The following NDST3 variants were observed in gnomAD, a reference collection of about 807,000 sequenced individuals.
The protein encoded by NDST3 is bifunctional heparan sulfate N-deacetylase/N-sulfotransferase 3.
In NDST3, 58 loss-of-function variants were observed where a neutral mutation model predicts 96.1. The observed-to-expected ratio is 0.60, with a 90% CI of 0.49 to 0.75. The LOEUF (loss-of-function observed/expected upper bound fraction) is 0.75, where lower values mean the gene tolerates loss of function less well. NDST3 is among the 30% of genes least tolerant of loss of function. The pLI is 0.00. For missense variants in NDST3, 788 were observed against 1,034.2 expected (o/e 0.76, Z 3.27); for synonymous variants, 333 against 359.7 (o/e 0.93, Z 0.84).
At chr4:118,177,760 G>A (rs1312902646) in intron 6 of NDST3, among the ~76,000 whole-genome samples, 2 of 151,942 alleles carry the variant, frequency 1.3e-5, no homozygotes, top group East Asian at 3.9e-4. Flanking sequence ...GTGCTGCTGG[G>A]ATTTTTTAAA....
chr4:118,160,689 C>A (rs550495140), intron 6 of NDST3, among the ~76,000 whole-genome samples: 1 of 152,198 alleles, frequency 6.6e-6, no homozygotes, highest in Non-Finnish European at 1.5e-5. Flanking sequence ...GCATTCTTCA[C>A]GTAGTTCTCG....
At chr4:118,157,743 T>C (rs1244261832) in intron 6 of NDST3, among the ~76,000 whole-genome samples, 4 of 152,008 alleles carry the variant, frequency 2.6e-5, no homozygotes, top group African/African-American at 7.2e-5. Context: ...TTTTGAACCA[T>C]GAAATGTTTT....
At position 118,242,249 on chromosome 4, in the gene NDST3, A is replaced by C. The variant is rs1266116849; in HGVS notation, c.2399+100A>C. 1.3e-5 allele frequency: 9 copies of C among 688,062 alleles called. No individual in the cohort carries two copies. The Admixed American group carries it at 2.4e-4, about 18-fold the overall frequency. The allele number at this position is 688,062 out of a possible 1,614,324, so 42.6% of individuals were successfully genotyped here. A position where few individuals can be genotyped will look rare whatever the true frequency, so the allele number is the denominator to read the frequency against. On this transcript the variant is annotated intron_variant, in intron 12 of 13. Transcript: ENST00000296499. ...ACAACTGTCAGGTTACTTGTTCCTTATATACTGGTTATTTTTCAATTTGAC... is the reference window on the plus strand; with the variant it reads ...ACAACTGTCAGGTTACTTGTTCCTTCTATACTGGTTATTTTTCAATTTGAC...
At chr4:118,113,436 G>A (rs1413798829) in intron 3 of NDST3, among the ~76,000 whole-genome samples, 2 of 152,176 alleles carry the variant, frequency 1.3e-5, no homozygotes, top group Admixed American at 6.6e-5. Context: ...CTTGTTGAAT[G>A]ATTATGCTAT....
At chr4:118,223,933 A>C (rs981426525) in intron 6 of NDST3, among the ~76,000 whole-genome samples, 1 of 152,104 alleles carries the variant, frequency 6.6e-6, no homozygotes, top group African/African-American at 2.4e-5. Context: ...AGCTACAAAT[A>C]CCCATTCTAC....
At chr4:118,249,180 T>C (rs1202963983) in intron 12 of NDST3, among the ~76,000 whole-genome samples, 1 of 152,200 alleles carries the variant, frequency 6.6e-6, no homozygotes, top group Non-Finnish European at 1.5e-5. Context: ...AGAAAAACTT[T>C]CTCTCAGAAG....
intron 6 of NDST3, among the ~76,000 whole-genome samples, chr4:118,202,159 C>T (rs1738130806): frequency 6.6e-6 from 1 of 152,000 alleles, no homozygotes; most frequent in South Asian, 2.1e-4. Context: ...GTTTCTGTAC[C>T]AGTACTAAGT....
In NDST3 at chr4:118,072,132, C is replaced by T. The variant is rs552893412; in HGVS notation, c.981+17241C>T. ...TACCATGCTGTTTGGGTTGCTATAGCCTTTTAGTATTGTTTGAAGTCAGGT... is the reference window on the plus strand; with the variant it reads ...TACCATGCTGTTTGGGTTGCTATAGTCTTTTAGTATTGTTTGAAGTCAGGT... On this transcript the variant is annotated intron_variant, in intron 2 of 13. Coordinates refer to ENST00000296499, the MANE Select transcript of NDST3 (RefSeq NM_004784.3). Among the ~76,000 whole-genome samples, 7 of 152,102 alleles carry T rather than the reference C, an allele frequency of 4.6e-5. No individual in the cohort carries two copies. In the East Asian group the frequency reaches 1.4e-3, roughly 29 times the overall value.
intron 2 of NDST3, among the ~76,000 whole-genome samples, chr4:118,071,375 T>A (rs1447147673): frequency 2.0e-5 from 3 of 152,104 alleles, no homozygotes; most frequent in Admixed American, 6.6e-5. Flanking sequence ...ATAAGCATAA[T>A]ACCCAATAGT....
intron 9 of NDST3, among the ~76,000 whole-genome samples, chr4:118,233,641 C>A (rs1352635138): frequency 1.3e-5 from 2 of 152,128 alleles, no homozygotes; most frequent in African/African-American, 4.8e-5. Flanking sequence ...GAATTTAATT[C>A]TTGCCTTTGA....
intron 6 of NDST3, among the ~76,000 whole-genome samples, chr4:118,152,997 T>A (rs946336618): frequency 6.6e-6 from 1 of 152,158 alleles, no homozygotes. Context: ...TGCCCCCCAC[T>A]TCTAAACTAT....
At chr4:118,134,889 A>G (rs796176931) in intron 4 of NDST3, among the ~76,000 whole-genome samples, 7 of 152,358 alleles carry the variant, frequency 4.6e-5, no homozygotes, top group Admixed American at 2.0e-4. Context: ...TCAAGGATCA[A>G]TGAAAAGACT....
At chr4:118,055,609 A>G (rs1302023581) in intron 2 of NDST3, 1 of 151,978 alleles carries the variant, frequency 6.6e-6, no homozygotes. Context: ...TGTTACATAA[A>G]CAGCTGATTG....
At chr4:118,143,474 C>A in intron 5 of NDST3, 82 bp from the exon 6 acceptor site, 1 of 1,440,718 alleles carries the variant, frequency 6.9e-7, no homozygotes, top group South Asian at 1.3e-5. Context: ...TGTGCATCAT[C>A]TTGTGTGAGC....
intron 6 of NDST3, among the ~76,000 whole-genome samples, chr4:118,184,600 TCTACACAC>T (rs1393709455): frequency 4.5e-5 from 4 of 89,510 alleles, no homozygotes; most frequent in African/African-American, 1.0e-4. Flanking sequence ...TCTCTCTCTC[TCTACACAC>T]ACACACACAC....
At chr4:118,057,292 T>A (rs532218396) in intron 2 of NDST3, among the ~76,000 whole-genome samples, 9 of 152,116 alleles carry the variant, frequency 5.9e-5, no homozygotes, top group Non-Finnish European at 1.3e-4. Flanking sequence ...TGAAGATCAT[T>A]AAAGGTCATA....
At chr4:118,162,409 T>A (rs1174289900) in intron 6 of NDST3, among the ~76,000 whole-genome samples, 3 of 152,012 alleles carry the variant, frequency 2.0e-5, no homozygotes, top group East Asian at 3.9e-4. Flanking sequence ...CAGATATAGA[T>A]CAATGGAACA....
intron 2 of NDST3, among the ~76,000 whole-genome samples, chr4:118,070,455 A>G (rs1726962764): frequency 1.3e-5 from 2 of 152,072 alleles, no homozygotes; most frequent in South Asian, 2.1e-4. Context: ...GTTTCCCTGA[A>G]TAACATTATC....
chr4:118,048,061 T>C (rs1053287058), intron 1 of NDST3, among the ~76,000 whole-genome samples: 5 of 152,132 alleles, frequency 3.3e-5, no homozygotes, highest in African/African-American at 7.2e-5. Context: ...CCAGAAGAGA[T>C]TGAGAGCCTA....
Sources: allele counts gnomAD v4.1 joint callset (sites outside exome capture counted in the v4.1 genomes callset), GRCh38; gene constraint gnomAD v4.1.1; transcripts MANE v1.5; gene names NCBI Gene and HGNC (gene_info 2026-07-23, HGNC 2026-07-21).